The following STK32B variants were observed in gnomAD, a reference collection of about 807,000 sequenced individuals.
The protein encoded by STK32B is serine/threonine kinase 32B, also known as serine/threonine-protein kinase 32B.
Under a neutral mutation model 52.6 loss-of-function variants are expected in STK32B, and 43 were observed. That is an observed-to-expected ratio of 0.82 (90% CI 0.64 to 1.05). STK32B has a LOEUF of 1.05. STK32B is among the 50% of genes least tolerant of loss of function. The probability of loss-of-function intolerance (pLI) is 0.00; values close to 1 mark genes in which losing one functional copy is unlikely to be tolerated. For synonymous variants in STK32B, 238 were observed against 204.3 expected (o/e 1.17, Z -1.41); for missense variants, 621 against 534.6 (o/e 1.16, Z -1.59).
intron 1 of STK32B, among the ~76,000 whole-genome samples, chr4:5,088,595 A>G (rs1712871805): frequency 6.6e-6 from 1 of 152,040 alleles, no homozygotes; most frequent in South Asian, 2.1e-4. Flanking sequence ...TACATTTTAA[A>G]ATAACTAAAA....
intron 2 of STK32B, among the ~76,000 whole-genome samples, chr4:5,141,969 A>T (rs1716493897): frequency 6.6e-6 from 1 of 152,120 alleles, no homozygotes; most frequent in Non-Finnish European, 1.5e-5. Context: ...GAACCTCCCC[A>T]ACCAACCCGT....
At chr4:5,189,297 G>C (rs1013417810) in intron 3 of STK32B, among the ~76,000 whole-genome samples, 1 of 152,174 alleles carries the variant, frequency 6.6e-6, no homozygotes, top group African/African-American at 2.4e-5. Context: ...AAAACCCTCT[G>C]TGATCCACTG....
Position 5,075,033 on chromosome 4 carries a change from G to T in STK32B, c.52+23118G>T, listed in dbSNP as rs565344463. On this transcript the variant is annotated intron_variant, in intron 1 of 11. Transcript: ENST00000282908. ...CACCCATTGTTACACTGGGCTCCTTGGAGTTTCACCCCATTCATGCCCATT... is the reference window on the plus strand; with the variant it reads ...CACCCATTGTTACACTGGGCTCCTTTGAGTTTCACCCCATTCATGCCCATT... Among the ~76,000 whole-genome samples the T allele has an allele frequency of 1.4e-4, 21 of 152,192 alleles. 1 individual carries two copies. The South Asian group carries it at 3.7e-3, about 27-fold the overall frequency.
chr4:5,314,061 A>G (rs1730492821), intron 3 of STK32B, among the ~76,000 whole-genome samples: 1 of 152,164 alleles, frequency 6.6e-6, no homozygotes, highest in Non-Finnish European at 1.5e-5. Flanking sequence ...GCAGACATAG[A>G]CAAACTTATT....
At chr4:5,480,475 G>T (rs1439995419) in intron 11 of STK32B, among the ~76,000 whole-genome samples, 1 of 152,110 alleles carries the variant, frequency 6.6e-6, no homozygotes, top group African/African-American at 2.4e-5. Flanking sequence ...CAGGCTATAG[G>T]TAAATTTAAA....
intron 3 of STK32B, among the ~76,000 whole-genome samples, chr4:5,290,914 G>A (rs180854164): frequency 1.8e-3 from 280 of 152,120 alleles, no homozygotes; most frequent in African/African-American, 6.3e-3. Flanking sequence ...ATACGGAAAG[G>A]CAAGAGATAC....
At chr4:5,468,170 C>T (rs1385535191) in intron 11 of STK32B, 100 bp downstream of exon 11, 12 of 1,230,140 alleles carry the variant, frequency 9.8e-6, no homozygotes, top group Middle Eastern at 2.2e-4. Flanking sequence ...CCGGCCTTGA[C>T]GACAAAAGGG....
At chr4:5,481,450 A>G (rs1265070991) in intron 11 of STK32B, among the ~76,000 whole-genome samples, 1 of 151,938 alleles carries the variant, frequency 6.6e-6, no homozygotes, top group African/African-American at 2.4e-5. Context: ...TTTCTTGTAA[A>G]TTTGTTTGAG....
intron 1 of STK32B, 118 bp from the exon 2 acceptor site, chr4:5,139,787 A>C (rs1577096930): frequency 1.9e-5 from 21 of 1,117,102 alleles, no homozygotes; most frequent in Non-Finnish European, 2.8e-5. Flanking sequence ...TGGCAAGTAT[A>C]GTGCACCTGA....
At chr4:5,243,000 G>A (rs548813997) in intron 3 of STK32B, among the ~76,000 whole-genome samples, 2 of 152,312 alleles carry the variant, frequency 1.3e-5, no homozygotes, top group Admixed American at 1.3e-4. Flanking sequence ...ATGGTTTGAA[G>A]TCAGGTAGCG....
At chr4:5,086,734 A>T (rs1438964847) in intron 1 of STK32B, among the ~76,000 whole-genome samples, 2 of 152,196 alleles carry the variant, frequency 1.3e-5, no homozygotes, top group Non-Finnish European at 2.9e-5. Context: ...GTGTAGTAAG[A>T]TTAACAGCTG....
chr4:5,161,348 A>C (rs1718430576), intron 2 of STK32B, among the ~76,000 whole-genome samples: 1 of 152,184 alleles, frequency 6.6e-6, no homozygotes, highest in South Asian at 2.1e-4. Context: ...TGGTGGCTTA[A>C]ACAAAGAGGG....
rs571775959 is a variant in STK32B at position 5,361,095 on chromosome 4, G to C, written c.434+29702G>C. On this transcript the variant is annotated intron_variant, in intron 4 of 11. Coordinates refer to ENST00000282908, the MANE Select transcript of STK32B (RefSeq NM_018401.3). ...TACAGTCTTCGTCCTTTTGTGACTG[G>C]CTTCTTTCACTTAACATAATATCTG... is the stretch of plus-strand genomic sequence containing the variant. 1.9e-4 allele frequency among the ~76,000 whole-genome samples: 29 copies of C among 152,196 alleles called. No individual in the cohort carries two copies. The South Asian group carries it at 5.8e-3, about 30-fold the overall frequency.
chr4:5,159,697 A>G (rs1718254876), intron 2 of STK32B, among the ~76,000 whole-genome samples: 1 of 105,822 alleles, frequency 9.4e-6, no homozygotes, highest in Non-Finnish European at 1.8e-5. Context: ...ATATATATGA[A>G]TATATATGAA....
rs547406038 is a variant in STK32B, at chr4:5,444,587, T to A, written c.563-2086T>A. ...CTGCGTCGCTCACACTGGGAGCTGT[T>A]GACCGGAGCTGTTCCTATTCGGCCA... On this transcript the variant is annotated intron_variant, in intron 6 of 11. Transcript: ENST00000282908. Among the ~76,000 whole-genome samples, 222 of 152,344 alleles carry A rather than the reference T, an allele frequency of 1.5e-3. 1 individual carries two copies. The highest frequency in any genetic ancestry group is 4.1e-3 in the African/African-American group (171 of 41,592).
intron 3 of STK32B, among the ~76,000 whole-genome samples, chr4:5,299,662 A>C (rs925037122): frequency 6.6e-6 from 1 of 152,232 alleles, no homozygotes; most frequent in Non-Finnish European, 1.5e-5. Context: ...TGCTTTTGTT[A>C]CTGTAGCCTT....
intron 4 of STK32B, among the ~76,000 whole-genome samples, chr4:5,354,775 C>T (rs953723531): frequency 2.0e-5 from 3 of 152,054 alleles, no homozygotes; most frequent in African/African-American, 7.2e-5. Flanking sequence ...ATTACATATT[C>T]TATGCACATT....
intron 3 of STK32B, among the ~76,000 whole-genome samples, chr4:5,182,350 G>T (rs1161457765): frequency 2.0e-5 from 3 of 152,126 alleles, no homozygotes. Flanking sequence ...GTTCTTAATG[G>T]CATCTAGAAT....
At position 5,380,920 on chromosome 4, in the gene STK32B, A is replaced by G. The variant is rs151214052; in HGVS notation, c.435-17287A>G. ...CATCATAGTTGTCAGTGCCAACGTC[A>G]TCATTATCCTCTCCAGCAGCCCACC... On this transcript the variant is annotated intron_variant, in intron 4 of 11. Coordinates refer to ENST00000282908, the MANE Select transcript of STK32B (RefSeq NM_018401.3). This position sits in a 1 kb window ranked among gnomAD's most constrained non-coding sequence, Gnocchi z 4.3. Among the ~76,000 whole-genome samples the G allele has an allele frequency of 5.4e-3, 818 of 152,258 alleles. 7 individuals are homozygous for G. The highest frequency in any genetic ancestry group is 7.6e-3 in the Non-Finnish European group (519 of 68,022).
Sources: gnomAD v4.1 joint callset for allele counts (sites outside exome capture counted in the v4.1 genomes callset) on GRCh38, gnomAD v4.1.1 for gene constraint, Gnocchi (gnomAD v3.1) non-coding constraint, MANE v1.5 for transcripts, NCBI Gene and HGNC (gene_info 2026-07-23, HGNC 2026-07-21) for gene names.